SLC4A7: variants seen among roughly 807,000 people sequenced by gnomAD.
The protein encoded by SLC4A7 is solute carrier family 4 member 7.
Under a neutral mutation model 137.6 loss-of-function variants are expected in SLC4A7, and 51 were observed. The ratio of observed to expected loss-of-function variants is 0.37; its 90% CI spans 0.30 to 0.47. The LOEUF is 0.47. SLC4A7 is among the 20% of genes least tolerant of loss of function. The pLI is 1.00. For synonymous variants in SLC4A7, 542 were observed against 518.6 expected (o/e 1.05, Z -0.61); for missense variants, 1,247 against 1,525.4 (o/e 0.82, Z 3.04).
intron 3 of SLC4A7, among the ~76,000 whole-genome samples, chr3:27,446,865 GT>G (rs1172280618): frequency 2.5e-5 from 2 of 80,250 alleles, no homozygotes; most frequent in Non-Finnish European, 2.6e-5. Context: ...TCTTAGTAGA[GT>G]TTTTTTTTGT....
intron 18 of SLC4A7, among the ~76,000 whole-genome samples, chr3:27,397,071 C>G (rs1389513527): frequency 6.6e-6 from 1 of 152,096 alleles, no homozygotes; most frequent in African/African-American, 2.4e-5. Context: ...TCTTATTGCC[C>G]AGTCTGGAGT....
chr3:27,412,213 C>T (rs916242495), intron 11 of SLC4A7, among the ~76,000 whole-genome samples: 1 of 152,150 alleles, frequency 6.6e-6, no homozygotes, highest in Non-Finnish European at 1.5e-5. Flanking sequence ...GTTTGATAAA[C>T]ATGTTCCCAC....
At position 27,473,235 on chromosome 3, in the gene SLC4A7, G is replaced by A. The variant is rs543380412; in HGVS notation, c.60+10832C>T. Among the ~76,000 whole-genome samples the A allele has an allele frequency of 1.2e-4, 19 of 152,110 alleles. No individual in the cohort carries two copies. In the South Asian group the frequency reaches 3.1e-3, roughly 25 times the overall value. ...GACCACTTGAGCCCAGGAGTTCAAG[G>A]CTCCTGTGCACTATGATTATGCCTG... On this transcript the variant is annotated intron_variant, in intron 1 of 25. Coordinates refer to ENST00000454389, the MANE Select transcript of SLC4A7 (RefSeq NM_001321103.2).
At chr3:27,450,101 G>C (rs548237883) in intron 2 of SLC4A7, among the ~76,000 whole-genome samples, 1 of 152,218 alleles carries the variant, frequency 6.6e-6, no homozygotes, top group South Asian at 2.1e-4. Flanking sequence ...TTAAAAATGT[G>C]ATACTCTGAC....
At chr3:27,432,823 T>A (rs1007538838) in intron 6 of SLC4A7, among the ~76,000 whole-genome samples, 1 of 152,138 alleles carries the variant, frequency 6.6e-6, no homozygotes, top group Non-Finnish European at 1.5e-5. Context: ...ATAGGGTCCC[T>A]CTGGATAAAT....
Position 27,437,467 on chromosome 3 carries a change from T to C in SLC4A7, c.349A>G (p.Ile117Val), listed in dbSNP as rs1290261684. 6.3e-7 allele frequency: 1 copy of C among 1,594,252 alleles called. No individual in the cohort carries two copies. The highest frequency in any genetic ancestry group is 2.3e-5 in the East Asian group (1 of 44,090). ...ATTTCCGTGAAGAGATCATGGGGAA[T>C]ATGTTCTTCATCATCATCTTCAGTA... ...LGTEDDDEEH[I>V]PHDLFTEMDE... Residue 117 changes from isoleucine (I) to valine (V), a missense_variant, in exon 4 of 26, where the codon ATT (isoleucine) becomes GTT (valine). Ile to Val is a conservative substitution (Grantham distance 29). This residue lies in a region of SLC4A7 where 176 missense variants were observed against 186.4 expected (regional missense o/e 0.94). Transcript: ENST00000454389.
chr3:27,385,292 A>G (rs1191249516), intron 23 of SLC4A7, among the ~76,000 whole-genome samples: 8 of 152,192 alleles, frequency 5.3e-5, no homozygotes, highest in Admixed American at 3.9e-4. Context: ...TTGGTTATTA[A>G]AAATCAAATT....
intron 3 of SLC4A7, among the ~76,000 whole-genome samples, chr3:27,440,415 G>A (rs2057097159): frequency 6.6e-6 from 1 of 151,974 alleles, no homozygotes; most frequent in African/African-American, 2.4e-5. Flanking sequence ...CATAATCTAG[G>A]ATAATATTCC....
intron 1 of SLC4A7, among the ~76,000 whole-genome samples, chr3:27,482,759 G>A (rs1016086770): frequency 1.3e-5 from 2 of 151,760 alleles, no homozygotes; most frequent in African/African-American, 2.4e-5. Context: ...GCGACAGAGC[G>A]AGACTCTGTC....
chr3:27,414,483 C>A (rs934539401), intron 11 of SLC4A7, among the ~76,000 whole-genome samples: 1 of 152,140 alleles, frequency 6.6e-6, no homozygotes, highest in African/African-American at 2.4e-5. Context: ...TTTCACAATA[C>A]AGTAAGCTAG....
intron 11 of SLC4A7, among the ~76,000 whole-genome samples, chr3:27,416,596 A>G (rs1323644682): frequency 6.6e-6 from 1 of 152,240 alleles, no homozygotes; most frequent in Non-Finnish European, 1.5e-5. Context: ...TCAAATTATC[A>G]AAAAACTTTC....
chr3:27,456,437 GAGTT>G (rs2058413792), intron 1 of SLC4A7, among the ~76,000 whole-genome samples: 1 of 152,130 alleles, frequency 6.6e-6, no homozygotes, highest in African/African-American at 2.4e-5. Context: ...ACTATCCAAA[GAGTT>G]AGTTTTATAG....
At chr3:27,456,334 T>G (rs944567301) in intron 1 of SLC4A7, among the ~76,000 whole-genome samples, 2 of 152,336 alleles carry the variant, frequency 1.3e-5, no homozygotes, top group Non-Finnish European at 1.5e-5. Context: ...TCGAACACTT[T>G]AGCTTCAAAA....
Position 27,484,310 on chromosome 3 carries a change from C to A in SLC4A7, c.-184G>T. The A allele has an allele frequency of 2.7e-6, 1 of 372,880 alleles. No homozygotes were observed. Among genetic ancestry groups the A allele is most frequent in the Non-Finnish European group, 4.6e-6 (1 of 216,212 alleles). The allele number at this position is 372,880 out of a possible 1,614,324, so 23.1% of individuals were successfully genotyped here. A position where few individuals can be genotyped will look rare whatever the true frequency, so the allele number is the denominator to read the frequency against. On this transcript the variant is annotated 5_prime_UTR_variant, in exon 1 of 26. Transcript: ENST00000454389. ...CCGGGCGCGGGAGACGCGGGGCGTG[C>A]GTGTGCGCGCTGCGACTGCTGGGCT...
At chr3:27,473,684 T>C (rs2059347201) in intron 1 of SLC4A7, among the ~76,000 whole-genome samples, 1 of 117,690 alleles carries the variant, frequency 8.5e-6, no homozygotes, top group Admixed American at 1.3e-4. Context: ...CCAGCCTGGG[T>C]GACAGAGTGA....
chr3:27,383,213 A>G lies in SLC4A7; in HGVS notation c.3530T>C (p.Val1177Ala). The change falls in exon 24 of 26, where the codon GTG (valine) becomes GCG (alanine). Residue 1177 changes from valine (V) to alanine (A), a missense_variant. Physicochemically the swap from Val to Ala is moderately conservative, Grantham distance 64. This residue lies in a region of SLC4A7 where 290 missense variants were observed against 323.8 expected (regional missense o/e 0.90). Transcript: ENST00000454389. The part of the protein sequence containing the change: ...ERMLQDDDDT[V>A]HLPFEGGSLL... ...ACTTCCCCCTTCAAATGGAAGGTGC[A>G]CAGTATCATCATCATCTTGAAGCAT... 6.2e-7 allele frequency: 1 copy of G among 1,613,384 alleles called. No homozygotes were observed. The highest frequency in any genetic ancestry group is 8.5e-7 in the Non-Finnish European group (1 of 1,179,350).
At position 27,376,757 on chromosome 3, in the gene SLC4A7, T is replaced by C; in HGVS notation, c.*7A>G. 3.8e-6 allele frequency: 6 copies of C among 1,565,324 alleles called. No homozygotes were observed. Among genetic ancestry groups the C allele is most frequent in the Non-Finnish European group, 5.3e-6 (6 of 1,140,990 alleles). ...TATCTATATGTATAATGCCTCTTGG[T>C]TCAATTCTATAATGAAGTTTCAGCA... On this transcript the variant is annotated 3_prime_UTR_variant, in exon 26 of 26. Transcript: ENST00000454389.
intron 9 of SLC4A7, 73 bp downstream of exon 9, chr3:27,421,549 G>A: frequency 8.8e-7 from 1 of 1,133,060 alleles, no homozygotes; most frequent in South Asian, 1.7e-5. Flanking sequence ...CAACATGCTT[G>A]TTCATTCGCT....
chr3:27,418,521 T>C lies in SLC4A7; in HGVS notation c.1624A>G (p.Ile542Val). The C allele has an allele frequency of 1.2e-6, 2 of 1,612,072 alleles. No homozygotes were observed. Among genetic ancestry groups the C allele is most frequent in the Admixed American group, 1.7e-5 (1 of 59,976 alleles). Residue 542 changes from isoleucine to valine, a missense_variant, in exon 11 of 26, where the codon ATA becomes GTA. This residue lies in a region of SLC4A7 where 499 missense variants were observed against 664.2 expected (regional missense o/e 0.75). Transcript: ENST00000454389. ...VLPPGEWDPS[I>V]RIEPPKSVPS... ...ACACTTTTTGGTGGTTCTATGCGTA[T>C]AGAAGGATCCCACTCTCCTGGAGGT...
Sources: allele counts gnomAD v4.1 joint callset (sites outside exome capture counted in the v4.1 genomes callset), GRCh38; gene constraint gnomAD v4.1.1; regional missense constraint gnomAD v4.1.1; transcripts MANE v1.5; gene names NCBI Gene and HGNC (gene_info 2026-07-23, HGNC 2026-07-21).